The following QSER1 variants were observed in gnomAD, a reference collection of about 807,000 sequenced individuals.
The protein encoded by QSER1 is glutamine and serine rich 1.
QSER1 carries 49 observed loss-of-function variants against 158.5 expected under a neutral mutation model. The observed-to-expected ratio is 0.31, with a 90% CI of 0.25 to 0.39. The LOEUF (loss-of-function observed/expected upper bound fraction) is 0.39, where lower values mean the gene tolerates loss of function less well. Among genes scored for constraint, QSER1 ranks in the 10% least tolerant of loss-of-function variants. The pLI is 1.00. For synonymous variants in QSER1, 650 were observed against 715.5 expected (o/e 0.91, Z 1.46); for missense variants, 1,754 against 2,010.3 (o/e 0.87, Z 2.44).
chr11:32,973,651 T>A, intron 11 of QSER1, 102 bp downstream of exon 11: 1 of 1,171,220 alleles, frequency 8.5e-7, no homozygotes, highest in Non-Finnish European at 1.2e-6. Context: ...ATGTTGTCAT[T>A]AAGTGTGAAG....
chr11:32,954,536 T>A (rs1170930602), intron 5 of QSER1, among the ~76,000 whole-genome samples: 2 of 152,200 alleles, frequency 1.3e-5, no homozygotes, highest in Admixed American at 1.3e-4. Flanking sequence ...CAGAGAACTA[T>A]CATGTAAAAG....
intron 4 of QSER1, among the ~76,000 whole-genome samples, chr11:32,938,629 G>A (rs1852187676): frequency 6.6e-6 from 1 of 152,098 alleles, no homozygotes; most frequent in Non-Finnish European, 1.5e-5. Context: ...GTTTTTTGTG[G>A]ACTGCTGTAG....
rs562035984 is a variant in QSER1, at chr11:32,935,363, C to G, written c.4105C>G (p.Gln1369Glu). 3.7e-6 allele frequency: 6 copies of G among 1,605,420 alleles called. No homozygotes were observed. The highest frequency in any genetic ancestry group is 3.4e-6 in the Non-Finnish European group (4 of 1,177,392). Residue 1369 changes from glutamine to glutamate, a missense_variant, in exon 4 of 13, where the codon CAA (glutamine) becomes GAA (glutamate). By Grantham distance (29) the Gln-to-Glu change is conservative. This residue lies in a region of QSER1 where 1,707 missense variants were observed against 1,919.6 expected (regional missense o/e 0.89). Transcript: ENST00000650167. ...TGATGAAGATGATCCTGGATATAGTCAAGATGCTTATAAAAGCGTCTCTAC... is the reference window on the plus strand; with the variant it reads ...TGATGAAGATGATCCTGGATATAGTGAAGATGCTTATAAAAGCGTCTCTAC... ...SSDEDDPGYS[Q>E]DAYKSVSTPL...
chr11:32,896,212 A>G (rs1401838160), intron 1 of QSER1, among the ~76,000 whole-genome samples: 1 of 152,160 alleles, frequency 6.6e-6, no homozygotes, highest in Admixed American at 6.5e-5. Flanking sequence ...CCATTGCCGC[A>G]TTCTGTACTT....
At chr11:32,930,428 GA>G (rs1225259852) in intron 3 of QSER1, among the ~76,000 whole-genome samples, 2 of 152,028 alleles carry the variant, frequency 1.3e-5, no homozygotes, top group East Asian at 1.9e-4. Flanking sequence ...ATATTTAATG[GA>G]AAGTAGGAAA....
intron 4 of QSER1, among the ~76,000 whole-genome samples, chr11:32,939,693 G>T (rs1852201618): frequency 6.6e-6 from 1 of 152,094 alleles, no homozygotes; most frequent in Non-Finnish European, 1.5e-5. Flanking sequence ...CTTTGCTGTT[G>T]TAGGTCTGTT....
chr11:32,958,526 T>C (rs1349958430), intron 8 of QSER1, among the ~76,000 whole-genome samples: 2 of 152,052 alleles, frequency 1.3e-5, no homozygotes, highest in Non-Finnish European at 2.9e-5. Flanking sequence ...GCTGGGACTA[T>C]AGGTGTGCAC....
At chr11:32,969,231 C>T (rs1590187957) in intron 10 of QSER1, 88 bp downstream of exon 10, 1 of 833,366 alleles carries the variant, frequency 1.2e-6, no homozygotes, top group East Asian at 2.7e-5. Context: ...AAATTATTCA[C>T]TTACAACATT....
Position 32,958,051 on chromosome 11 carries a change from C to CTCCTGA in QSER1, c.4935_4940dup (p.Pro1646_Glu1647insAspPro), listed in dbSNP as rs1385716381. The CTCCTGA allele has an allele frequency of 6.2e-7, 1 of 1,614,012 alleles. No homozygotes were observed. The highest frequency in any genetic ancestry group is 8.5e-7 in the Non-Finnish European group (1 of 1,180,016). On this transcript the variant is annotated inframe_insertion, in exon 8 of 13. Transcript: ENST00000650167. The stretch of plus-strand genomic sequence containing the variant: ...TTTTCATCATCCCAATCTGACTCAT[C>CTCCTGA]TCCTGAGATCCATACTAGTAGTAGT...
chr11:32,946,773 C>T lies in QSER1; in HGVS notation c.4178-7084C>T, dbSNP rs370543039. On this transcript the variant is annotated intron_variant, in intron 4 of 12. Coordinates refer to ENST00000650167, the MANE Select transcript of QSER1 (RefSeq NM_001076786.3). ...TGGGCTCCACCCAGTTCAAGCTTCC[C>T]GGCTGCTTTGTTTACCTAAGCAAGC... Among the ~76,000 whole-genome samples, 157 of 152,114 alleles carry T rather than the reference C, an allele frequency of 1.0e-3. No homozygotes were observed. In the East Asian group the frequency reaches 0.014, roughly 13 times the overall value.
At chr11:32,926,953 C>T (rs1851980576) in intron 1 of QSER1, 1 of 152,202 alleles carries the variant, frequency 6.6e-6, no homozygotes, top group Non-Finnish European at 1.5e-5. Context: ...AAAGAAAATA[C>T]TGTGTATTAT....
intron 4 of QSER1, among the ~76,000 whole-genome samples, chr11:32,952,766 G>A (rs1214975892): frequency 7.3e-6 from 1 of 137,058 alleles, no homozygotes; most frequent in African/African-American, 2.7e-5. Flanking sequence ...TTTTTACTTT[G>A]TATTGGGGTA....
intron 4 of QSER1, among the ~76,000 whole-genome samples, chr11:32,952,100 A>G (rs1852431777): frequency 6.6e-6 from 1 of 152,112 alleles, no homozygotes; most frequent in South Asian, 2.1e-4. Context: ...TCAGCCTCCC[A>G]AAGTGCTGGG....
At chr11:32,942,931 C>G (rs943834318) in intron 4 of QSER1, among the ~76,000 whole-genome samples, 10 of 152,100 alleles carry the variant, frequency 6.6e-5, no homozygotes, top group Non-Finnish European at 1.5e-4. Context: ...TGTAGTTCTC[C>G]TTGAAGAGGT....
chr11:32,953,506 A>C (rs906613476), intron 4 of QSER1, among the ~76,000 whole-genome samples: 1 of 152,030 alleles, frequency 6.6e-6, no homozygotes, highest in African/African-American at 2.4e-5. Flanking sequence ...GGCACACAAC[A>C]CTATGCTCGG....
chr11:32,902,806 T>C (rs929197213), intron 1 of QSER1, among the ~76,000 whole-genome samples: 4 of 152,250 alleles, frequency 2.6e-5, no homozygotes, highest in Admixed American at 1.3e-4. Flanking sequence ...TATAGTGTTA[T>C]CTCATTTAAC....
intron 1 of QSER1, among the ~76,000 whole-genome samples, chr11:32,924,439 G>C (rs947741336): frequency 6.6e-6 from 1 of 151,434 alleles, no homozygotes; most frequent in Non-Finnish European, 1.5e-5. Flanking sequence ...GCACGCCTAT[G>C]GTCCCAGCTA....
intron 1 of QSER1, among the ~76,000 whole-genome samples, chr11:32,926,301 A>T (rs939574512): frequency 6.6e-6 from 1 of 152,158 alleles, no homozygotes; most frequent in Non-Finnish European, 1.5e-5. Context: ...CTGGAATATG[A>T]CCTATATATT....
intron 1 of QSER1, among the ~76,000 whole-genome samples, chr11:32,916,863 T>C: frequency 6.6e-6 from 1 of 151,914 alleles, no homozygotes; most frequent in Non-Finnish European, 1.5e-5. Flanking sequence ...CTCAGCTCAC[T>C]GCAACCTCCA....
Sources: allele counts gnomAD v4.1 joint callset (sites outside exome capture counted in the v4.1 genomes callset), GRCh38; gene constraint gnomAD v4.1.1; regional missense constraint gnomAD v4.1.1; transcripts MANE v1.5; gene names NCBI Gene and HGNC (gene_info 2026-07-23, HGNC 2026-07-21).